Variants in FBN1 observed in about 807,000 individuals in gnomAD.
The protein encoded by FBN1 is fibrillin 1, also known as fibrillin-1.
In FBN1, 29 loss-of-function variants were observed where a neutral mutation model predicts 365.1. The observed-to-expected ratio is 0.08, with a 90% CI of 0.06 to 0.11. The LOEUF (loss-of-function observed/expected upper bound fraction) is 0.11. Among genes scored for constraint, FBN1 ranks in the 10% least tolerant of loss-of-function variants. The pLI, the probability that FBN1 is intolerant of heterozygous loss-of-function variation, is 1.00. For missense variants in FBN1, 2,476 were observed against 3,703.2 expected (o/e 0.67, Z 8.60); for synonymous variants, 1,210 against 1,270.5 (o/e 0.95, Z 1.01).
intron 8 of FBN1, among the ~76,000 whole-genome samples, chr15:48,530,571 T>C (rs1407010100): frequency 6.6e-6 from 1 of 151,664 alleles, no homozygotes; most frequent in Admixed American, 6.6e-5. Context: ...TTTTTTTTTT[T>C]TTCAACTAAT....
intron 5 of FBN1, among the ~76,000 whole-genome samples, chr15:48,599,797 A>G (rs1360740403): frequency 2.6e-5 from 4 of 152,200 alleles, no homozygotes; most frequent in Non-Finnish European, 4.4e-5. Context: ...TGAAAATCCA[A>G]GTGTTGAAGT....
At position 48,534,949 on chromosome 15, in the gene FBN1, T is replaced by C. The variant is rs112735363; in HGVS notation, c.737-744A>G. 1.3e-3 allele frequency among the ~76,000 whole-genome samples: 203 copies of C among 152,300 alleles called. 1 individual carries two copies. The highest frequency in any genetic ancestry group is 4.7e-3 in the African/African-American group (197 of 41,562). Reference sequence around the variant, plus strand: ...GCTCAACGTGCAAGTGTGTACTATGTCCTGGGGAGTTCGACATGACTTCTC... The same window carrying C: ...GCTCAACGTGCAAGTGTGTACTATGCCCTGGGGAGTTCGACATGACTTCTC... On this transcript the variant is annotated intron_variant, in intron 7 of 65. Transcript: ENST00000316623.
chr15:48,488,370 G>A lies in FBN1; in HGVS notation c.3206C>T (p.Thr1069Ile), dbSNP rs753611690. The stretch of plus-strand genomic sequence containing the variant: ...GCCCTTAAGGCTCATTAACTGACCT[G>A]TGCAGTTCCTTTCTTCAGAATCAAG... ...FALDSEERNC[T>I]DIDECRISPD... Residue 1069 changes from threonine to isoleucine, a missense_variant and splice_region_variant, in exon 26 of 66, where the codon ACA (threonine) becomes ATA (isoleucine). By Grantham distance (89) the Thr-to-Ile change is moderately conservative. Around this residue, in one of 5 missense-constraint regions of FBN1, gnomAD observed 1,780 missense variants for 2,840.8 expected, o/e 0.63. Transcript: ENST00000316623. The A allele has an allele frequency of 9.3e-6, 15 of 1,614,118 alleles. No individual in the cohort carries two copies. In the South Asian group the frequency reaches 1.6e-4, roughly 18 times the overall value.
intron 2 of FBN1, among the ~76,000 whole-genome samples, chr15:48,626,397 G>A (rs529989354): frequency 1.8e-4 from 27 of 152,202 alleles, no homozygotes; most frequent in African/African-American, 5.5e-4. Context: ...CATGGAGTAC[G>A]AGAGTGAAAT....
At chr15:48,495,335 A>C (rs1389177270) in intron 21 of FBN1, 75 bp from the exon 22 acceptor site, 12 of 1,597,636 alleles carry the variant, frequency 7.5e-6, no homozygotes, top group Non-Finnish European at 1.0e-5. Flanking sequence ...ATAGACAAAA[A>C]TAGCATTTGA....
At chr15:48,494,350 G>A (rs1192099046) in intron 22 of FBN1, 96 bp from the exon 23 acceptor site, 2 of 907,790 alleles carry the variant, frequency 2.2e-6, no homozygotes, top group African/African-American at 1.6e-5. Flanking sequence ...CATGAAAGAT[G>A]ACCTGGAACA....
At chr15:48,567,998 T>TAAGAAAGAAAGA (rs55984910) in intron 6 of FBN1, among the ~76,000 whole-genome samples, 3,920 of 56,426 alleles carry the variant, frequency 0.069, 249 homozygotes, top group East Asian at 0.098. Flanking sequence ...AGTATACAGA[T>TAAGAAAGAAAGA]AAGAAAGAAA....
chr15:48,586,545 C>T (rs768075526), intron 6 of FBN1, among the ~76,000 whole-genome samples: 1 of 152,178 alleles, frequency 6.6e-6, no homozygotes, highest in Non-Finnish European at 1.5e-5. Flanking sequence ...CTGACCACAT[C>T]AAGCCATTAA....
At chr15:48,521,546 A>G (rs894720478) in intron 9 of FBN1, among the ~76,000 whole-genome samples, 3 of 152,250 alleles carry the variant, frequency 2.0e-5, no homozygotes, top group Non-Finnish European at 4.4e-5. Context: ...TCAAAGCAAC[A>G]TGGTAAGACG....
At chr15:48,480,844 A>G (rs1287266174) in intron 32 of FBN1, among the ~76,000 whole-genome samples, 1 of 152,192 alleles carries the variant, frequency 6.6e-6, no homozygotes, top group Non-Finnish European at 1.5e-5. Flanking sequence ...CATGGTTTCC[A>G]TTATGTTTTA....
chr15:48,508,516 C>G lies in FBN1; in HGVS notation c.1837+66G>C, dbSNP rs2043730042. 9 of 1,608,124 alleles carry G rather than the reference C, an allele frequency of 5.6e-6. No homozygotes were observed. The South Asian group carries it at 8.8e-5, about 16-fold the overall frequency. ...GAGAATCAGTAAAGAAAGGTAGTAC[C>G]TCTAAACAACATAAGGAGGAGAAAA... On this transcript the variant is annotated intron_variant, in intron 15 of 65. Coordinates refer to ENST00000316623, the MANE Select transcript of FBN1 (RefSeq NM_000138.5).
At chr15:48,438,016 C>A in intron 50 of FBN1, 99 bp from the exon 51 acceptor site, 1 of 1,212,228 alleles carries the variant, frequency 8.2e-7, no homozygotes, top group East Asian at 2.3e-5. Context: ...TATATGTTCT[C>A]CTCTCAGGAC....
chr15:48,471,700 C>G (rs1488081431), intron 35 of FBN1, among the ~76,000 whole-genome samples: 1 of 152,202 alleles, frequency 6.6e-6, no homozygotes, highest in Non-Finnish European at 1.5e-5. Flanking sequence ...TTTGAGTTCA[C>G]GTCTTGTTAA....
intron 65 of FBN1, 76 bp downstream of exon 65, chr15:48,412,493 C>G (rs1304361724): frequency 5.9e-6 from 9 of 1,517,208 alleles, no homozygotes; most frequent in East Asian, 2.3e-5. Flanking sequence ...TTTGGAGCAT[C>G]CTTGGAGGAA....
intron 17 of FBN1, among the ~76,000 whole-genome samples, chr15:48,502,948 T>C (rs1015335417): frequency 6.6e-6 from 1 of 152,158 alleles, no homozygotes; most frequent in Non-Finnish European, 1.5e-5. Flanking sequence ...CATTAGGCCA[T>C]GTCACTTCAA....
chr15:48,636,330 A>G lies in FBN1; in HGVS notation c.164+8276T>C, dbSNP rs140791973. On this transcript the variant is annotated intron_variant, in intron 2 of 65. Coordinates refer to ENST00000316623, the MANE Select transcript of FBN1 (RefSeq NM_000138.5). Reference sequence around the variant, plus strand: ...ACCTGAGACTATATAAAGGAGAATCAAGGAAGCCAGGCAATGTCGAGGACA... The same window carrying G: ...ACCTGAGACTATATAAAGGAGAATCGAGGAAGCCAGGCAATGTCGAGGACA... 5.6e-4 allele frequency among the ~76,000 whole-genome samples: 86 copies of G among 152,296 alleles called. 1 individual carries two copies. The highest frequency in any genetic ancestry group is 3.9e-3 in the Admixed American group (60 of 15,300).
At chr15:48,474,866 T>C (rs377304855) in intron 32 of FBN1, among the ~76,000 whole-genome samples, 46 of 152,340 alleles carry the variant, frequency 3.0e-4, no homozygotes, top group African/African-American at 1.1e-3. Flanking sequence ...TTGTTAACTC[T>C]AATTATTTTC....
At chr15:48,432,608 T>G (rs1702268280) in intron 55 of FBN1, among the ~76,000 whole-genome samples, 1 of 152,176 alleles carries the variant, frequency 6.6e-6, no homozygotes, top group South Asian at 2.1e-4. Context: ...TCCCATATCT[T>G]GTAGAAATAC....
chr15:48,472,005 T>A (rs932320312), intron 35 of FBN1, among the ~76,000 whole-genome samples: 2 of 152,258 alleles, frequency 1.3e-5, no homozygotes, highest in Admixed American at 6.5e-5. Context: ...TTGAACAGAT[T>A]TGCAAAACTG....
Sources: gnomAD v4.1 joint callset for allele counts (sites outside exome capture counted in the v4.1 genomes callset) on GRCh38, gnomAD v4.1.1 for gene constraint, gnomAD v4.1.1 regional missense constraint, MANE v1.5 for transcripts, NCBI Gene and HGNC (gene_info 2026-07-23, HGNC 2026-07-21) for gene names.